The following CSMD1 variants were observed in gnomAD, a reference collection of about 807,000 sequenced individuals.
CSMD1 encodes the protein CUB and Sushi multiple domains 1.
In CSMD1, 213 loss-of-function variants were observed where a neutral mutation model predicts 417.5. That is an observed-to-expected ratio of 0.51 (90% CI 0.46 to 0.57). CSMD1 has a LOEUF of 0.57. Among genes scored for constraint, CSMD1 ranks in the 20% least tolerant of loss-of-function variants. CSMD1 has a pLI of 0.00. For missense variants in CSMD1, 6,923 were observed against 4,529.7 expected (o/e 1.53, Z -15.17); for synonymous variants, 2,862 against 1,736.8 (o/e 1.65, Z -16.11).
At chr8:3,296,251 T>C (rs1256979091) in intron 25 of CSMD1, among the ~76,000 whole-genome samples, 1 of 151,816 alleles carries the variant, frequency 6.6e-6, no homozygotes, top group East Asian at 2.0e-4. Context: ...TAAGGGTGTT[T>C]GTCGCATCCT....
chr8:4,320,106 A>G (rs1002146500), intron 3 of CSMD1, among the ~76,000 whole-genome samples: 17 of 152,136 alleles, frequency 1.1e-4, no homozygotes, highest in African/African-American at 4.1e-4. Context: ...AAAAAATCCA[A>G]CCCTTTGCAA....
chr8:3,107,727 A>T lies in CSMD1; in HGVS notation c.6826T>A (p.Phe2276Ile). ...QAEMLTEDDD[F>I]EIGDFVKYQC... ...ATGAAGAAAGTATTACCTATTTCGAAATCATCATCCTCAGTAAGCATTTCT... is the reference window on the plus strand; with the variant it reads ...ATGAAGAAAGTATTACCTATTTCGATATCATCATCCTCAGTAAGCATTTCT... Residue 2276 changes from phenylalanine (F) to isoleucine (I), a missense_variant, in exon 45 of 70, where the codon TTC becomes ATC. Transcript: ENST00000635120. The T allele has an allele frequency of 3.8e-6, 6 of 1,585,112 alleles. No individual in the cohort carries two copies. Among genetic ancestry groups the T allele is most frequent in the Non-Finnish European group, 5.2e-6 (6 of 1,164,968 alleles).
chr8:4,363,668 G>C (rs914648081), intron 3 of CSMD1, among the ~76,000 whole-genome samples: 1 of 152,172 alleles, frequency 6.6e-6, no homozygotes. Flanking sequence ...CCTTTAAAAA[G>C]CATTACATCG....
At chr8:3,990,085 C>T (rs973314702) in intron 5 of CSMD1, among the ~76,000 whole-genome samples, 1 of 152,038 alleles carries the variant, frequency 6.6e-6, no homozygotes, top group Admixed American at 6.6e-5. Context: ...GCGCAATGGC[C>T]CCTCAGAAGG....
chr8:4,285,188 G>C (rs1796995119), intron 3 of CSMD1, among the ~76,000 whole-genome samples: 1 of 152,192 alleles, frequency 6.6e-6, no homozygotes, highest in South Asian at 2.1e-4. Context: ...GTTTTTGTAT[G>C]TCAAGGAGTG....
At chr8:4,246,897 C>A (rs1414976350) in intron 3 of CSMD1, among the ~76,000 whole-genome samples, 1 of 152,068 alleles carries the variant, frequency 6.6e-6, no homozygotes, top group Non-Finnish European at 1.5e-5. Flanking sequence ...TTTTTCCGTG[C>A]ATAAATGTTT....
chr8:3,974,439 T>A (rs1813288026), intron 5 of CSMD1, among the ~76,000 whole-genome samples: 1 of 152,068 alleles, frequency 6.6e-6, no homozygotes. Flanking sequence ...CATAAGGGTA[T>A]GTGCAAATAA....
chr8:3,530,400 T>C (rs1367482947), intron 10 of CSMD1, among the ~76,000 whole-genome samples: 1 of 152,162 alleles, frequency 6.6e-6, no homozygotes, highest in Non-Finnish European at 1.5e-5. Flanking sequence ...TCCCTTGTGA[T>C]TTTTTCTTCG....
In CSMD1 at chr8:3,205,621, C is replaced by A. The variant is rs1211428003; in HGVS notation, c.4868-1G>T. ...CCCGTGTACTGGCCTCCACAGGGAG[C>A]TGAAAATAAAATCAACCGAGAATTA... is the stretch of plus-strand genomic sequence containing the variant. On this transcript the variant is annotated splice_acceptor_variant, in intron 30 of 69. Coordinates refer to ENST00000635120, the MANE Select transcript of CSMD1 (RefSeq NM_033225.6). LOFTEE classifies it high-confidence loss of function. 1 of 1,489,366 alleles carries A rather than the reference C, an allele frequency of 6.7e-7. No homozygotes were observed. The highest frequency in any genetic ancestry group is 9.2e-7 in the Non-Finnish European group (1 of 1,088,290). 92.3% of individuals were successfully genotyped at this position (1,489,366 alleles called of 1,614,324 possible).
intron 1 of CSMD1, among the ~76,000 whole-genome samples, chr8:4,843,542 C>T (rs117334070): frequency 0.019 from 2,841 of 152,172 alleles, 40 homozygotes; most frequent in Middle Eastern, 0.027. Context: ...CAAGTCTTCA[C>T]CATCATAAAG....
intron 7 of CSMD1, among the ~76,000 whole-genome samples, chr8:3,666,294 G>A (rs1269579836): frequency 2.2e-4 from 33 of 152,170 alleles, no homozygotes; most frequent in Non-Finnish European, 2.9e-5. Context: ...TATAGATTGT[G>A]AGAACCGATG....
At chr8:4,554,493 C>G (rs970049616) in intron 2 of CSMD1, among the ~76,000 whole-genome samples, 4 of 152,126 alleles carry the variant, frequency 2.6e-5, no homozygotes, top group African/African-American at 9.7e-5. Context: ...GAATCTGGAA[C>G]AAATTTCCTG....
chr8:4,235,190 C>G (rs1801971139), intron 3 of CSMD1, among the ~76,000 whole-genome samples: 1 of 152,154 alleles, frequency 6.6e-6, no homozygotes, highest in African/African-American at 2.4e-5. Context: ...CATCTCTCTC[C>G]TGTCCAAACT....
intron 1 of CSMD1, among the ~76,000 whole-genome samples, chr8:4,842,526 T>G (rs941216640): frequency 2.0e-5 from 3 of 152,216 alleles, no homozygotes; most frequent in Non-Finnish European, 2.9e-5. Flanking sequence ...GTAGCAAGTG[T>G]TCACTTACAG....
At chr8:3,153,646 T>C (rs1027328093) in intron 39 of CSMD1, among the ~76,000 whole-genome samples, 2 of 152,206 alleles carry the variant, frequency 1.3e-5, no homozygotes, top group African/African-American at 4.8e-5. Flanking sequence ...AATTATAAAA[T>C]ACAAACACTC....
At chr8:2,956,659 T>C (rs1013064288) in intron 63 of CSMD1, among the ~76,000 whole-genome samples, 2 of 152,020 alleles carry the variant, frequency 1.3e-5, no homozygotes, top group Non-Finnish European at 2.9e-5. Flanking sequence ...GATTTCACCA[T>C]GTTAGCCAGG....
intron 2 of CSMD1, among the ~76,000 whole-genome samples, chr8:4,581,777 G>A (rs917593934): frequency 5.3e-5 from 8 of 152,148 alleles, no homozygotes; most frequent in Non-Finnish European, 8.8e-5. Flanking sequence ...GCAGACAATT[G>A]CCTATTGGCT....
chr8:3,049,718 C>T (rs1005042744), intron 50 of CSMD1, among the ~76,000 whole-genome samples: 2 of 151,990 alleles, frequency 1.3e-5, no homozygotes, highest in Admixed American at 6.6e-5. Context: ...TTGTCCAAGC[C>T]CACAGATGGT....
chr8:4,258,574 G>A (rs1056741646), intron 3 of CSMD1, among the ~76,000 whole-genome samples: 18 of 151,556 alleles, frequency 1.2e-4, no homozygotes, highest in Non-Finnish European at 2.4e-4. Flanking sequence ...AGGGAAGAAT[G>A]GAAGGAAGGA....
Sources: gnomAD v4.1 joint callset for allele counts (sites outside exome capture counted in the v4.1 genomes callset) on GRCh38, gnomAD v4.1.1 for gene constraint, MANE v1.5 for transcripts, NCBI Gene and HGNC (gene_info 2026-07-23, HGNC 2026-07-21) for gene names.